The following ZNF595 variants were observed in gnomAD, a reference collection of about 807,000 sequenced individuals.
ZNF595 encodes the protein zinc finger protein 595.
A neutral mutation model predicts 19.4 loss-of-function variants in ZNF595; 9 were observed. The ratio of observed to expected loss-of-function variants is 0.46; its 90% CI spans 0.28 to 0.81. The LOEUF (loss-of-function observed/expected upper bound fraction) is 0.81. ZNF595 is among the 30% of genes least tolerant of loss of function. ZNF595 has a pLI of 0.11. For missense variants in ZNF595, 729 were observed against 736.0 expected, an observed-to-expected ratio of 0.99 and a Z score of 0.11; for synonymous variants, 255 against 255.9, an observed-to-expected ratio of 1.00 and a Z score of 0.03.
intron 3 of ZNF595, among the ~76,000 whole-genome samples, chr4:74,772 T>G (rs1268449313): frequency 1.3e-5 from 2 of 152,154 alleles, no homozygotes; most frequent in Non-Finnish European, 2.9e-5. Flanking sequence ...GATTAGCCTC[T>G]CCAAAGGAGG....
intron 3 of ZNF595, among the ~76,000 whole-genome samples, chr4:72,651 C>T (rs1227395822): frequency 6.6e-6 from 1 of 152,160 alleles, no homozygotes; most frequent in African/African-American, 2.4e-5. Flanking sequence ...ACCTAAATGA[C>T]ATTTGCTGTC....
chr4:81,290 G>C (rs782627187), intron 3 of ZNF595, among the ~76,000 whole-genome samples: 1 of 152,182 alleles, frequency 6.6e-6, no homozygotes, highest in Non-Finnish European at 1.5e-5. Flanking sequence ...TCAGTGATGT[G>C]TATTTCCAAT....
intron 3 of ZNF595, among the ~76,000 whole-genome samples, chr4:76,940 C>G (rs1164496949): frequency 6.6e-6 from 1 of 151,990 alleles, no homozygotes; most frequent in African/African-American, 2.4e-5. Context: ...GTTATTAGTT[C>G]CTTCTGCTAT....
At chr4:71,966 A>G (rs1713450047) in intron 3 of ZNF595, among the ~76,000 whole-genome samples, 2 of 151,798 alleles carry the variant, frequency 1.3e-5, no homozygotes, top group Admixed American at 6.6e-5. Flanking sequence ...GGCCCTTGGG[A>G]GGGTGGTCAT....
At chr4:80,982 GC>G (rs1713884836) in intron 3 of ZNF595, among the ~76,000 whole-genome samples, 1 of 151,688 alleles carries the variant, frequency 6.6e-6, no homozygotes, top group South Asian at 2.1e-4. Flanking sequence ...CCCTCCTATT[GC>G]CCCCCACCCC....
rs567749310 is a variant in ZNF595, at chr4:71,086, ATTTAAT to A, written c.226+10942_226+10947del. Among the ~76,000 whole-genome samples, 504 of 152,146 alleles carry A rather than the reference ATTTAAT, an allele frequency of 3.3e-3. 1 individual carries two copies. The highest frequency in any genetic ancestry group is 0.01 in the Middle Eastern group (3 of 294). ...TCTTTGCTTATGTTAATTCCTAGGT[ATTTAAT>A]TTTAATTTGTGGCTATTGTAAATGG... On this transcript the variant is annotated intron_variant, in intron 3 of 3. Coordinates refer to ENST00000610261, the MANE Select transcript of ZNF595 (RefSeq NM_182524.4).
intron 3 of ZNF595, among the ~76,000 whole-genome samples, chr4:78,240 C>A (rs1276243890): frequency 2.6e-5 from 4 of 152,160 alleles, no homozygotes; most frequent in Non-Finnish European, 5.9e-5. Flanking sequence ...GATCTCCTGA[C>A]CTCGTGATCC....
At chr4:74,077 G>A (rs537474382) in intron 3 of ZNF595, among the ~76,000 whole-genome samples, 111 of 152,306 alleles carry the variant, frequency 7.3e-4, no homozygotes, top group African/African-American at 2.5e-3. Context: ...GGAGGCCACA[G>A]AGGGCAGATC....
chr4:80,027 C>CT (rs1193556177), intron 3 of ZNF595, among the ~76,000 whole-genome samples: 13 of 151,254 alleles, frequency 8.6e-5, no homozygotes, highest in African/African-American at 2.2e-4. Flanking sequence ...TTGAATATGT[C>CT]TTTTTTTTTC....
intron 3 of ZNF595, 100 bp from the exon 4 acceptor site, chr4:85,631 C>A: frequency 7.5e-7 from 1 of 1,328,476 alleles, no homozygotes. Context: ...GTTATGCTAT[C>A]TTACTAATGC....
intron 3 of ZNF595, among the ~76,000 whole-genome samples, chr4:82,371 G>GTTTTTTTTTTTTTTTTTT (rs1560092266): frequency 3.1e-5 from 3 of 97,714 alleles, no homozygotes; most frequent in African/African-American, 1.1e-4. Flanking sequence ...TTTGGTTTGT[G>GTTTTTTTTTTTTTTTTTT]GTTTTTTTTT....
At chr4:71,386 G>A (rs996226453) in intron 3 of ZNF595, among the ~76,000 whole-genome samples, 3 of 152,116 alleles carry the variant, frequency 2.0e-5, no homozygotes, top group African/African-American at 7.2e-5. Flanking sequence ...GTGAAAGTAT[G>A]CATCTTTTGT....
intron 3 of ZNF595, among the ~76,000 whole-genome samples, chr4:69,062 A>G (rs1320632040): frequency 1.3e-5 from 2 of 152,294 alleles, no homozygotes; most frequent in East Asian, 1.9e-4. Context: ...AGTTCTATCC[A>G]TGTTGTTGCA....
chr4:86,434 A>G lies in ZNF595; in HGVS notation c.930A>G (p.Lys310=), dbSNP rs782781975. The part of the protein sequence containing the change: ...NEHKNIHTGE[K]PYKCKECGKA... Reference sequence around the variant, plus strand: ...ATAAGAATATTCATACTGGAGAGAAACCCTACAAATGTAAAGAATGTGGCA... The same window carrying G: ...ATAAGAATATTCATACTGGAGAGAAGCCCTACAAATGTAAAGAATGTGGCA... The change falls in exon 4 of 4, where the codon AAA becomes AAG. Residue 310 remains lysine (K), a synonymous_variant. Transcript: ENST00000610261. The G allele has an allele frequency of 1.9e-6, 3 of 1,614,084 alleles. No homozygotes were observed. Among genetic ancestry groups the G allele is most frequent in the Non-Finnish European group, 2.5e-6 (3 of 1,179,966 alleles).
rs1471002907 is a variant in ZNF595 at position 86,241 on chromosome 4, A to G, written c.737A>G (p.His246Arg). ...AGACGGTCCACAGTTCTGAACGAAC[A>G]TAAGAAAATTCATACTGGAGAGAAA... ...AFRRSTVLNE[H>R]KKIHTGEKPY... is the part of the protein sequence containing the mutation. The change falls in exon 4 of 4, where the codon CAT becomes CGT. Residue 246 changes from histidine (H) to arginine (R), a missense_variant. By Grantham distance (29) the His-to-Arg change is conservative. This residue lies in a region of ZNF595 where 729 missense variants were observed against 675.3 expected (regional missense o/e 1.08). Transcript: ENST00000610261. 3 of 1,611,878 alleles carry G rather than the reference A, an allele frequency of 1.9e-6. No individual in the cohort carries two copies. The highest frequency in any genetic ancestry group is 8.5e-7 in the Non-Finnish European group (1 of 1,178,134).
intron 3 of ZNF595, among the ~76,000 whole-genome samples, chr4:85,347 C>G (rs1553800850): frequency 6.6e-6 from 1 of 152,088 alleles, no homozygotes; most frequent in African/African-American, 2.4e-5. Context: ...CCCCAGAAAG[C>G]CAGAAGTAAG....
At chr4:70,179 T>G (rs2108754354) in intron 3 of ZNF595, among the ~76,000 whole-genome samples, 1 of 152,262 alleles carries the variant, frequency 6.6e-6, no homozygotes, top group African/African-American at 2.4e-5. Context: ...ATCTTTAATA[T>G]TTTTTCCCAC....
Position 86,033 on chromosome 4 carries a change from G to T in ZNF595, c.529G>T (p.Glu177Ter), listed in dbSNP as rs782774827. ...HTGEKPFKCTECGRSFYMSHL... is the reference protein window; with the variant it reads ...HTGEKPFKCT ...TGGAGAGAAACCCTTTAAATGTACA[G>T]AATGTGGCAGATCGTTTTACATGTC... Residue 177 changes from glutamate to a stop codon, truncating the protein, a stop_gained, in exon 4 of 4, where the codon GAA becomes TAA. Transcript: ENST00000610261. LOFTEE classifies it low-confidence loss of function (END_TRUNC). 5.0e-5 allele frequency: 81 copies of T among 1,610,212 alleles called. No homozygotes were observed. The highest frequency in any genetic ancestry group is 6.5e-5 in the Non-Finnish European group (76 of 1,177,848).
chr4:78,973 A>G (rs1265948747), intron 3 of ZNF595, among the ~76,000 whole-genome samples: 2 of 152,222 alleles, frequency 1.3e-5, no homozygotes, highest in African/African-American at 4.8e-5. Context: ...GATTACAGGC[A>G]TGGGCCACCA....
Sources: gnomAD v4.1 joint callset for allele counts (sites outside exome capture counted in the v4.1 genomes callset) on GRCh38, gnomAD v4.1.1 for gene constraint, gnomAD v4.1.1 regional missense constraint, MANE v1.5 for transcripts, NCBI Gene and HGNC (gene_info 2026-07-23, HGNC 2026-07-21) for gene names.